ARRDC1: variants seen among roughly 807,000 people sequenced by gnomAD.
ARRDC1 encodes the protein arrestin domain containing 1.
Under a neutral mutation model 40.1 loss-of-function variants are expected in ARRDC1, and 37 were observed. The observed-to-expected ratio is 0.92, with a 90% CI of 0.71 to 1.21. ARRDC1 has a LOEUF of 1.21. ARRDC1 is among the 50% of genes most tolerant of loss of function. ARRDC1 has a pLI of 0.00. For missense variants in ARRDC1, 641 were observed against 581.9 expected (o/e 1.10, Z -1.04); for synonymous variants, 310 against 262.5 (o/e 1.18, Z -1.75).
intron 2 of ARRDC1, 164 bp from the exon 3 acceptor site, chr9:137,613,296 C>T: frequency 1.2e-6 from 1 of 835,914 alleles, no homozygotes; most frequent in Non-Finnish European, 1.9e-6. Context: ...TATCCTCAGT[C>T]CTTCACCCAA....
chr9:137,605,732 G>A lies in ARRDC1; in HGVS notation c.15G>A (p.Gln5=). The A allele has an allele frequency of 1.4e-6, 2 of 1,385,786 alleles. No homozygotes were observed. Among genetic ancestry groups the A allele is most frequent in the Non-Finnish European group, 1.9e-6 (2 of 1,066,348 alleles). 85.8% of individuals were successfully genotyped at this position (1,385,786 alleles called of 1,614,324 possible). A position where few individuals can be genotyped will look rare whatever the true frequency, so the allele number is the denominator to read the frequency against. ...GAGGCCGCGGCATGGGGCGAGTGCA[G>A]CTCTTCGAGATCAGCCTGAGCCACG... The part of the protein sequence containing the change: MGRV[Q]LFEISLSHGR... Residue 5 remains glutamine (Q), a synonymous_variant, in exon 1 of 8, where the codon CAG becomes CAA. Transcript: ENST00000371421.
intron 4 of ARRDC1, 127 bp downstream of exon 4, chr9:137,613,896 G>A (rs1413535730): frequency 7.2e-6 from 11 of 1,529,682 alleles, no homozygotes; most frequent in East Asian, 2.3e-5. Context: ...AGGGTCTGGA[G>A]GCAGTGGCCT....
In ARRDC1 at chr9:137,614,157, C is replaced by G; in HGVS notation, c.561C>G (p.Ala187=). The G allele has an allele frequency of 6.2e-7, 1 of 1,612,420 alleles. No homozygotes were observed. Among genetic ancestry groups the G allele is most frequent in the Non-Finnish European group, 8.5e-7 (1 of 1,179,018 alleles). Residue 187 remains alanine (A), a synonymous_variant, in exon 5 of 8, where the codon GCC becomes GCG. Transcript: ENST00000371421. ...YVVGQALQLH[A]DVENQSGKDT... ...TGGGGCAGGCACTGCAGCTGCATGCCGACGTTGAGAACCAGTCAGGCAAGG... is the reference window on the plus strand; with the variant it reads ...TGGGGCAGGCACTGCAGCTGCATGCGGACGTTGAGAACCAGTCAGGCAAGG...
intron 1 of ARRDC1, among the ~76,000 whole-genome samples, chr9:137,607,926 C>T (rs1046827685): frequency 6.6e-6 from 1 of 152,148 alleles, no homozygotes; most frequent in Non-Finnish European, 1.5e-5. Flanking sequence ...CCTGCAGCCT[C>T]CAGCAGCTTG....
Position 137,615,297 on chromosome 9 carries a change from G to T in ARRDC1, c.*159G>T. On this transcript the variant is annotated 3_prime_UTR_variant, in exon 8 of 8. Coordinates refer to ENST00000371421, the MANE Select transcript of ARRDC1 (RefSeq NM_152285.4). ...GCCCTCTTCTCCCTGGGGCTGGGGT[G>T]GGGGTGGCAGGGAGCTGGGACCTGG... 2.9e-6 allele frequency: 2 copies of T among 679,860 alleles called. No homozygotes were observed. Among genetic ancestry groups the T allele is most frequent in the Admixed American group, 3.5e-5 (1 of 28,272 alleles). The allele number at this position is 679,860 out of a possible 1,614,324, so 42.1% of individuals were successfully genotyped here. A position where few individuals can be genotyped will look rare whatever the true frequency, so the allele number is the denominator to read the frequency against.
At chr9:137,610,383 G>A (rs1012699512) in intron 1 of ARRDC1, among the ~76,000 whole-genome samples, 1 of 151,944 alleles carries the variant, frequency 6.6e-6, no homozygotes, top group Non-Finnish European at 1.5e-5. Context: ...TCCTCTGTGG[G>A]TTCCAGCATT....
Position 137,613,470 on chromosome 9 carries a change from C to T in ARRDC1, c.240C>T (p.Pro80=), listed in dbSNP as rs201358396. The change falls in exon 3 of 8, where the codon CCC becomes CCT. Residue 80 remains proline (P), a synonymous_variant. Coordinates refer to ENST00000371421, the MANE Select transcript of ARRDC1 (RefSeq NM_152285.4). ...CTCCTGTCTCTGCAGGGAGCCTGCC[C>T]GCTGGAGAGCACAGCTTCCCCTTCC... The part of the protein sequence containing the change: ...SLSLADKGSL[P]AGEHSFPFQF... 3.1e-5 allele frequency: 50 copies of T among 1,612,336 alleles called. No homozygotes were observed. Among genetic ancestry groups the T allele is most frequent in the African/African-American group, 1.9e-4 (14 of 75,038 alleles).
Position 137,614,221 on chromosome 9 carries a change from GCC to G in ARRDC1, c.618+11_618+12del. The G allele has an allele frequency of 6.3e-7, 1 of 1,584,886 alleles. No homozygotes were observed. The highest frequency in any genetic ancestry group is 2.2e-5 in the East Asian group (1 of 44,468). The stretch of plus-strand genomic sequence containing the variant: ...GGTGGCCAGTCTGCTGCAGGTCAGA[GCC>G]CCCGCCAGTTGCCTGGACCGGCCTC... On this transcript the variant is annotated splice_region_variant and intron_variant, in intron 5 of 7. Coordinates refer to ENST00000371421, the MANE Select transcript of ARRDC1 (RefSeq NM_152285.4).
At chr9:137,605,864 T>G (rs1805897768) in intron 1 of ARRDC1, 29 bp downstream of exon 1, 1 of 1,190,626 alleles carries the variant, frequency 8.4e-7, no homozygotes, top group African/African-American at 1.6e-5. Context: ...GGAGGGCCTT[T>G]GGCCGCACCT....
chr9:137,610,780 C>G (rs1842501606), intron 1 of ARRDC1, among the ~76,000 whole-genome samples: 1 of 152,216 alleles, frequency 6.6e-6, no homozygotes, highest in South Asian at 2.1e-4. Flanking sequence ...TCAGGCTGGT[C>G]TGGAACTCCT....
Position 137,613,709 on chromosome 9 carries a change from G to T in ARRDC1, c.375G>T (p.Lys125Asn). ...IHTPRFSKDH[K>N]CSLVFYILSP... ...CGCCACGGTTTTCCAAGGATCACAA[G>T]TGCAGCCTCGTGTTCTATATCTTGA... is the stretch of plus-strand genomic sequence containing the variant. The change falls in exon 4 of 8, where the codon AAG (lysine) becomes AAT (asparagine). Residue 125 changes from lysine (K) to asparagine (N), a missense_variant. Physicochemically the swap from Lys to Asn is moderately conservative, Grantham distance 94. Transcript: ENST00000371421. 1 of 1,614,268 alleles carries T rather than the reference G, an allele frequency of 6.2e-7. No individual in the cohort carries two copies. Among genetic ancestry groups the T allele is most frequent in the African/African-American group, 1.3e-5 (1 of 75,078 alleles).
chr9:137,613,008 T>C lies in ARRDC1; in HGVS notation c.229+2T>C, dbSNP rs765240462. ...GTTCCCTGTCGCTGGCAGACAAGGG[T>C]AAGTTTGGGAGCCAGTTCCCGAGTG... is the stretch of plus-strand genomic sequence containing the variant. On this transcript the variant is annotated splice_donor_variant, in intron 2 of 7. Transcript: ENST00000371421. LOFTEE classifies it high-confidence loss of function. 19 of 1,611,554 alleles carry C rather than the reference T, an allele frequency of 1.2e-5. No individual in the cohort carries two copies. Among genetic ancestry groups the C allele is most frequent in the Non-Finnish European group, 1.6e-5 (19 of 1,178,172 alleles).
chr9:137,615,284 C>G lies in ARRDC1; in HGVS notation c.*146C>G. The G allele has an allele frequency of 6.6e-6, 5 of 762,786 alleles. No homozygotes were observed. The highest frequency in any genetic ancestry group is 9.8e-6 in the Non-Finnish European group (5 of 509,380). The allele number at this position is 762,786 out of a possible 1,614,324, so 47.3% of individuals were successfully genotyped here. ...TCCTCTGGCATCCGCCCTCTTCTCC[C>G]TGGGGCTGGGGTGGGGGTGGCAGGG... On this transcript the variant is annotated 3_prime_UTR_variant, in exon 8 of 8. Transcript: ENST00000371421.
chr9:137,614,298 G>T lies in ARRDC1; in HGVS notation c.619-1G>T. On this transcript the variant is annotated splice_acceptor_variant, in intron 5 of 7. Coordinates refer to ENST00000371421, the MANE Select transcript of ARRDC1 (RefSeq NM_152285.4). LOFTEE classifies it high-confidence loss of function. ...AGGCTCACAGGCTGGTCCTTCCCCA[G>T]AAAGTGTCCTATAAGGCCAAGCGCT... 6 of 1,589,570 alleles carry T rather than the reference G, an allele frequency of 3.8e-6. No homozygotes were observed. The highest frequency in any genetic ancestry group is 5.1e-6 in the Non-Finnish European group (6 of 1,165,812).
At chr9:137,615,044 C>A in intron 7 of ARRDC1, 30 bp from the exon 8 acceptor site, 1 of 1,611,058 alleles carries the variant, frequency 6.2e-7, no homozygotes, top group Non-Finnish European at 8.5e-7. Flanking sequence ...ACGCCAAGAG[C>A]CCCACGCAGA....
In ARRDC1 at chr9:137,614,366, G is replaced by T. The variant is rs768872628; in HGVS notation, c.686G>T (p.Gly229Val). The T allele has an allele frequency of 6.2e-7, 1 of 1,613,154 alleles. No individual in the cohort carries two copies. Among genetic ancestry groups the T allele is most frequent in the Non-Finnish European group, 8.5e-7 (1 of 1,179,694 alleles). The change falls in exon 6 of 8, where the codon GGC becomes GTC. Residue 229 changes from glycine (G) to valine (V), a missense_variant. Transcript: ENST00000371421. ...ACCATTGCGGAGGTGGAGGGTGCGG[G>T]CGTCAAGGCCTGGCGGCGGGCGCAG... ...VRTIAEVEGA[G>V]VKAWRRAQWH...
intron 1 of ARRDC1, among the ~76,000 whole-genome samples, chr9:137,609,959 G>A (rs1412525385): frequency 2.0e-5 from 3 of 151,822 alleles, no homozygotes; most frequent in East Asian, 3.9e-4. Context: ...GACTACAGGC[G>A]CCCGCCACCA....
chr9:137,609,339 A>G (rs996332902), intron 1 of ARRDC1, among the ~76,000 whole-genome samples: 20 of 151,716 alleles, frequency 1.3e-4, no homozygotes, highest in African/African-American at 4.8e-4. Flanking sequence ...GGTTCAAGTG[A>G]TTCTTCTGCC....
intron 1 of ARRDC1, among the ~76,000 whole-genome samples, chr9:137,608,041 G>A (rs1473127080): frequency 6.6e-6 from 1 of 151,952 alleles, no homozygotes; most frequent in Non-Finnish European, 1.5e-5. Flanking sequence ...GGAGTGTGCC[G>A]GCGCGATCTC....
Sources: allele counts gnomAD v4.1 joint callset (sites outside exome capture counted in the v4.1 genomes callset), GRCh38; gene constraint gnomAD v4.1.1; transcripts MANE v1.5; gene names NCBI Gene and HGNC (gene_info 2026-07-23, HGNC 2026-07-21).